Variants in CCDC38 observed in about 807,000 individuals in gnomAD.
CCDC38 encodes coiled-coil domain containing 38.
Under a neutral mutation model 72.8 loss-of-function variants are expected in CCDC38, and 69 were observed. The observed-to-expected ratio is 0.95, with a 90% CI of 0.78 to 1.16. The LOEUF is 1.16. Among genes scored for constraint, CCDC38 ranks in the 50% most tolerant of loss-of-function variants. The pLI, the probability that CCDC38 is intolerant of heterozygous loss-of-function variation, is 0.00. For missense variants in CCDC38, 626 were observed against 638.9 expected (o/e 0.98, Z 0.22); for synonymous variants, 201 against 213.2 (o/e 0.94, Z 0.50).
intron 4 of CCDC38, among the ~76,000 whole-genome samples, chr12:95,908,848 A>G (rs879542370): frequency 3.9e-5 from 6 of 152,096 alleles, no homozygotes; most frequent in Non-Finnish European, 8.8e-5. Context: ...CAGGAAAGGA[A>G]ATGATGACAA....
chr12:95,901,783 CA>C (rs1203777746), intron 5 of CCDC38, among the ~76,000 whole-genome samples: 1 of 152,068 alleles, frequency 6.6e-6, no homozygotes, highest in Non-Finnish European at 1.5e-5. Context: ...GTAACTTTGA[CA>C]AAAGTCGTTT....
chr12:95,886,317 CA>C (rs1316821128), intron 10 of CCDC38, among the ~76,000 whole-genome samples: 4 of 151,994 alleles, frequency 2.6e-5, no homozygotes, highest in Non-Finnish European at 5.9e-5. Context: ...AAAATTAACT[CA>C]AAATGGAAAA....
intron 13 of CCDC38, 91 bp downstream of exon 13, chr12:95,878,120 T>A (rs1189929179): frequency 7.0e-7 from 1 of 1,431,560 alleles, no homozygotes; most frequent in Non-Finnish European, 9.6e-7. Context: ...GTGATTTGCT[T>A]TAACTCTCCT....
At chr12:95,933,492 C>CAT (rs2080359708) in intron 2 of CCDC38, 1 of 152,124 alleles carries the variant, frequency 6.6e-6, no homozygotes, top group African/African-American at 2.4e-5. Context: ...ATAATTTCAC[C>CAT]CATTTGATTG....
At chr12:95,875,773 A>G (rs898392079) in intron 13 of CCDC38, among the ~76,000 whole-genome samples, 1 of 152,332 alleles carries the variant, frequency 6.6e-6, no homozygotes, top group South Asian at 2.1e-4. Context: ...ATGAATGCCA[A>G]ATTTACACTT....
At chr12:95,890,693 C>A (rs1181019413) in intron 9 of CCDC38, 139 bp downstream of exon 9, 6 of 544,268 alleles carry the variant, frequency 1.1e-5, no homozygotes, top group East Asian at 3.1e-5. Context: ...GAGAGAGAAC[C>A]AGAGCCCCTG....
chr12:95,935,904 C>A (rs1045648711), intron 2 of CCDC38, among the ~76,000 whole-genome samples: 26 of 151,940 alleles, frequency 1.7e-4, no homozygotes, highest in Non-Finnish European at 2.1e-4. Flanking sequence ...CATGGTGAAA[C>A]CTTGTCTCTA....
intron 8 of CCDC38, among the ~76,000 whole-genome samples, chr12:95,894,219 C>T (rs1565950297): frequency 6.6e-6 from 1 of 151,980 alleles, no homozygotes. Flanking sequence ...GACTCCATCT[C>T]AAAAACAACA....
At chr12:95,889,996 C>T (rs945522489) in intron 9 of CCDC38, among the ~76,000 whole-genome samples, 4 of 152,034 alleles carry the variant, frequency 2.6e-5, no homozygotes, top group East Asian at 1.9e-4. Context: ...ACCATGGCCT[C>T]GATTTGCTGG....
intron 1 of CCDC38, among the ~76,000 whole-genome samples, chr12:95,937,832 AC>A (rs1283280508): frequency 2.0e-5 from 3 of 152,336 alleles, no homozygotes; most frequent in Non-Finnish European, 2.9e-5. Flanking sequence ...GCACTGTTCT[AC>A]GTGTGGGGGA....
intron 2 of CCDC38, among the ~76,000 whole-genome samples, chr12:95,921,016 T>A (rs1198644255): frequency 6.6e-6 from 1 of 151,670 alleles, no homozygotes; most frequent in East Asian, 1.9e-4. Flanking sequence ...TAATCCCAGC[T>A]CCTTGGGAGG....
At position 95,881,879 on chromosome 12, in the gene CCDC38, T is replaced by C. The variant is rs549006515; in HGVS notation, c.921-325A>G. Among the ~76,000 whole-genome samples, 5 of 152,342 alleles carry C rather than the reference T, an allele frequency of 3.3e-5. No homozygotes were observed. In the South Asian group the frequency reaches 1.0e-3, roughly 32 times the overall value. Reference sequence around the variant, plus strand: ...TTTTAAAGAAACACATGACAGCCTATGTTGCCTCATCCTTTTGTCCTTTTA... The same window carrying C: ...TTTTAAAGAAACACATGACAGCCTACGTTGCCTCATCCTTTTGTCCTTTTA... On this transcript the variant is annotated intron_variant, in intron 10 of 15. Coordinates refer to ENST00000344280, the MANE Select transcript of CCDC38 (RefSeq NM_182496.3).
intron 1 of CCDC38, among the ~76,000 whole-genome samples, chr12:95,941,821 T>G (rs997485059): frequency 5.3e-5 from 8 of 152,164 alleles, no homozygotes; most frequent in Non-Finnish European, 8.8e-5. Flanking sequence ...TGTTTGTGAT[T>G]GTGTATATGA....
chr12:95,918,814 G>GCAAT, intron 3 of CCDC38, 62 bp downstream of exon 3: 1 of 1,133,862 alleles, frequency 8.8e-7, no homozygotes, highest in Non-Finnish European at 1.3e-6. Flanking sequence ...GTTCATAAGA[G>GCAAT]CAATAGGTAA....
intron 1 of CCDC38, among the ~76,000 whole-genome samples, chr12:95,939,768 T>G (rs1403568274): frequency 6.6e-6 from 1 of 152,188 alleles, no homozygotes; most frequent in African/African-American, 2.4e-5. Flanking sequence ...CCATGCTGGT[T>G]GATTTAATTA....
chr12:95,901,764 A>T (rs1261248436), intron 5 of CCDC38, among the ~76,000 whole-genome samples: 1 of 152,236 alleles, frequency 6.6e-6, no homozygotes, highest in Non-Finnish European at 1.5e-5. Context: ...AGCAACAGAG[A>T]AGTCTCTGGT....
Position 95,879,492 on chromosome 12 carries a change from G to A in CCDC38, c.1142+152C>T, listed in dbSNP as rs1033142067. 6 of 468,050 alleles carry A rather than the reference G, an allele frequency of 1.3e-5. No homozygotes were observed. The highest frequency in any genetic ancestry group is 3.9e-5 in the African/African-American group (2 of 51,744). The allele number at this position is 468,050 out of a possible 1,614,324, so 29.0% of individuals were successfully genotyped here. ...CCAGTCTATTCTGTGTAAATACGACGTCTACGTTTTGCACTCCACAATGTA... is the reference window on the plus strand; with the variant it reads ...CCAGTCTATTCTGTGTAAATACGACATCTACGTTTTGCACTCCACAATGTA... On this transcript the variant is annotated intron_variant, in intron 12 of 15. Coordinates refer to ENST00000344280, the MANE Select transcript of CCDC38 (RefSeq NM_182496.3). The surrounding 1 kb of genome is among the most constrained non-coding windows in gnomAD (Gnocchi z 5.5).
intron 5 of CCDC38, among the ~76,000 whole-genome samples, chr12:95,899,458 C>T (rs1157772527): frequency 6.6e-6 from 1 of 152,116 alleles, no homozygotes; most frequent in Non-Finnish European, 1.5e-5. Context: ...CACCACCATG[C>T]CCAGCTCATT....
At chr12:95,943,172 AAGAG>A (rs920910210), upstream of CCDC38, 6 of 503,010 alleles carry the variant, frequency 1.2e-5, no homozygotes, top group African/African-American at 1.2e-4. Context: ...ACGACCAAAA[AAGAG>A]AGGATTCCTC....
Sources: allele counts gnomAD v4.1 joint callset (sites outside exome capture counted in the v4.1 genomes callset), GRCh38; gene constraint gnomAD v4.1.1; non-coding constraint Gnocchi (gnomAD v3.1); transcripts MANE v1.5; gene names NCBI Gene and HGNC (gene_info 2026-07-23, HGNC 2026-07-21).